The following FOXO1 variants were observed in gnomAD, a reference collection of about 807,000 sequenced individuals.
FOXO1 encodes the protein forkhead box O1.
A neutral mutation model predicts 44.1 loss-of-function variants in FOXO1; 6 were observed. That is an observed-to-expected ratio of 0.14 (90% CI 0.07 to 0.27). The LOEUF is 0.27. Among genes scored for constraint, FOXO1 ranks in the 10% least tolerant of loss-of-function variants. FOXO1 has a pLI of 1.00. For synonymous variants in FOXO1, 380 were observed against 362.7 expected (o/e 1.05, Z -0.54); for missense variants, 737 against 888.8 (o/e 0.83, Z 2.17).
At chr13:40,561,480 C>A (rs1461930135) in intron 1 of FOXO1, among the ~76,000 whole-genome samples, 1 of 151,664 alleles carries the variant, frequency 6.6e-6, no homozygotes, top group Non-Finnish European at 1.5e-5. Context: ...GTTTTAATAA[C>A]CGCTTAAATT....
chr13:40,565,055 G>A (rs751078901), intron 1 of FOXO1, among the ~76,000 whole-genome samples: 5 of 147,204 alleles, frequency 3.4e-5, no homozygotes, highest in African/African-American at 4.9e-5. Flanking sequence ...TCCTTAAAGA[G>A]CAAATGGGCT....
At chr13:40,573,022 G>A (rs527899313) in intron 1 of FOXO1, among the ~76,000 whole-genome samples, 70 of 152,184 alleles carry the variant, frequency 4.6e-4, no homozygotes, top group Middle Eastern at 3.4e-3. Flanking sequence ...AAGCCTCCAT[G>A]ACTCCTCCTG....
chr13:40,649,148 C>T lies in FOXO1; in HGVS notation c.630+16435G>A, dbSNP rs1334621634. ...CTCAGCAAGCCACACAGAAACAAGC[C>T]TCATAGGGCACATGACTAAGTGGAA... On this transcript the variant is annotated intron_variant, in intron 1 of 2. Transcript: ENST00000379561. Among the ~76,000 whole-genome samples, 4 of 152,294 alleles carry T rather than the reference C, an allele frequency of 2.6e-5. No individual in the cohort carries two copies. In the East Asian group the frequency reaches 5.8e-4, roughly 22 times the overall value.
At chr13:40,563,019 T>C (rs1217980419) in intron 1 of FOXO1, among the ~76,000 whole-genome samples, 8 of 152,230 alleles carry the variant, frequency 5.3e-5, no homozygotes, top group Non-Finnish European at 8.8e-5. Flanking sequence ...CCTAAGACCC[T>C]GGAATGTGCA....
At chr13:40,566,474 G>T (rs577392867) in intron 1 of FOXO1, among the ~76,000 whole-genome samples, 31 of 151,984 alleles carry the variant, frequency 2.0e-4, no homozygotes, top group Non-Finnish European at 3.7e-4. Flanking sequence ...TGCCTCCCAG[G>T]TTCAAGCGAT....
At chr13:40,582,383 G>A (rs1160739866) in intron 1 of FOXO1, among the ~76,000 whole-genome samples, 3 of 152,154 alleles carry the variant, frequency 2.0e-5, no homozygotes, top group African/African-American at 4.8e-5. Flanking sequence ...AGCTGGGATC[G>A]CTTTGGTAAT....
At chr13:40,581,609 C>A (rs1874959404) in intron 1 of FOXO1, among the ~76,000 whole-genome samples, 1 of 152,206 alleles carries the variant, frequency 6.6e-6, no homozygotes, top group Non-Finnish European at 1.5e-5. Flanking sequence ...TAGTTTCCCA[C>A]AAATGACAAT....
chr13:40,618,242 A>G (rs1457280656), intron 1 of FOXO1, among the ~76,000 whole-genome samples: 1 of 152,062 alleles, frequency 6.6e-6, no homozygotes, highest in African/African-American at 2.4e-5. Context: ...ACACCCTGCT[A>G]ATTTTTGTAG....
intron 1 of FOXO1, among the ~76,000 whole-genome samples, chr13:40,617,336 C>G (rs3924478): frequency 6.6e-6 from 1 of 151,744 alleles, no homozygotes; most frequent in African/African-American, 2.4e-5. Context: ...TCCCAGCTAC[C>G]TGGGAGGCTG....
At chr13:40,626,849 G>A (rs947536838) in intron 1 of FOXO1, among the ~76,000 whole-genome samples, 2 of 152,126 alleles carry the variant, frequency 1.3e-5, no homozygotes, top group Admixed American at 6.5e-5. Context: ...GTACCCAAGG[G>A]TGACTTTATT....
intron 1 of FOXO1, among the ~76,000 whole-genome samples, chr13:40,658,747 C>T (rs1364041408): frequency 3.3e-5 from 5 of 152,196 alleles, no homozygotes; most frequent in Middle Eastern, 3.2e-3. Flanking sequence ...CAGTGGCTTA[C>T]GCCTGTAATC....
At chr13:40,559,446 A>T (rs1873888578) in intron 2 of FOXO1, 63 bp downstream of exon 2, 4 of 1,430,436 alleles carry the variant, frequency 2.8e-6, no homozygotes, top group Non-Finnish European at 3.8e-6. Context: ...ATGGCAAGTT[A>T]CTGTGTTCCT....
chr13:40,577,595 G>C (rs912195115), intron 1 of FOXO1, among the ~76,000 whole-genome samples: 5 of 152,094 alleles, frequency 3.3e-5, no homozygotes, highest in African/African-American at 1.2e-4. Flanking sequence ...CACACCTTAG[G>C]TTATTAACTT....
chr13:40,636,114 C>T (rs545033738), intron 1 of FOXO1, among the ~76,000 whole-genome samples: 5 of 152,014 alleles, frequency 3.3e-5, no homozygotes, highest in East Asian at 1.9e-4. Context: ...ACTTGGGAGG[C>T]GGAGGCAGGA....
chr13:40,628,859 T>A (rs2137910644), intron 1 of FOXO1, among the ~76,000 whole-genome samples: 1 of 152,258 alleles, frequency 6.6e-6, no homozygotes, highest in East Asian at 1.9e-4. Flanking sequence ...CACCTCTCAC[T>A]CCCCTGAATC....
In FOXO1 at chr13:40,665,777, C is replaced by G. The variant is rs1415799778; in HGVS notation, c.436G>C (p.Ala146Pro). The G allele has an allele frequency of 1.0e-5, 14 of 1,336,372 alleles. No individual in the cohort carries two copies. In the African/African-American group the frequency reaches 2.0e-4, roughly 19 times the overall value. The allele number at this position is 1,336,372 out of a possible 1,614,324, so 82.8% of individuals were successfully genotyped here. ...GAGCTGCTCTTGCGCGGCTGCCCCG[C>G]GAGCGGCCCAGCGGCGGCGGGGGGC... ...PVPPAAAGPL[A>P]GQPRKSSSSR... is the part of the protein sequence containing the mutation. The change falls in exon 1 of 3, where the codon GCG becomes CCG. Residue 146 changes from alanine (A) to proline (P), a missense_variant. Transcript: ENST00000379561.
chr13:40,590,898 C>T (rs1040233996), intron 1 of FOXO1, among the ~76,000 whole-genome samples: 3 of 152,202 alleles, frequency 2.0e-5, no homozygotes, highest in Non-Finnish European at 2.9e-5. Flanking sequence ...ACTTTACGAG[C>T]TGGCCATCAA....
At chr13:40,646,156 T>C (rs1877502355) in intron 1 of FOXO1, among the ~76,000 whole-genome samples, 1 of 152,120 alleles carries the variant, frequency 6.6e-6, no homozygotes, top group Non-Finnish European at 1.5e-5. Flanking sequence ...CAATTTTAAT[T>C]AGTCTATGAT....
chr13:40,597,899 T>A (rs1462082026), intron 1 of FOXO1, among the ~76,000 whole-genome samples: 2 of 152,186 alleles, frequency 1.3e-5, no homozygotes, highest in Non-Finnish European at 2.9e-5. Context: ...CAGAAAGGAA[T>A]GTGCCCAGGA....
Sources: gnomAD v4.1 joint callset for allele counts (sites outside exome capture counted in the v4.1 genomes callset) on GRCh38, gnomAD v4.1.1 for gene constraint, MANE v1.5 for transcripts, NCBI Gene and HGNC (gene_info 2026-07-23, HGNC 2026-07-21) for gene names.